FBXL18: variants seen among roughly 807,000 people sequenced by gnomAD.
FBXL18 encodes F-box and leucine rich repeat protein 18.
Under a neutral mutation model 46.0 loss-of-function variants are expected in FBXL18, and 36 were observed. The ratio of observed to expected loss-of-function variants is 0.78; its 90% CI spans 0.60 to 1.03. FBXL18 has a LOEUF of 1.03. Among genes scored for constraint, FBXL18 ranks in the 50% least tolerant of loss-of-function variants. FBXL18 has a pLI of 0.00. For missense variants in FBXL18, 977 were observed against 1,004.1 expected, an observed-to-expected ratio of 0.97 and a Z score of 0.36; for synonymous variants, 557 against 465.3, an observed-to-expected ratio of 1.20 and a Z score of -2.54.
At chr7:5,511,462 C>T (rs916970894) in intron 1 of FBXL18, among the ~76,000 whole-genome samples, 1 of 151,900 alleles carries the variant, frequency 6.6e-6, no homozygotes, top group African/African-American at 2.4e-5. Flanking sequence ...AATACAAATG[C>T]GGACGTAGTG....
intron 1 of FBXL18, among the ~76,000 whole-genome samples, chr7:5,513,111 G>A (rs1037042405): frequency 6.6e-6 from 1 of 152,204 alleles, no homozygotes; most frequent in African/African-American, 2.4e-5. Context: ...GACGCGGCGG[G>A]CTTCTCCATC....
chr7:5,491,270 AGGGACTCCCC>A lies in FBXL18; in HGVS notation c.1951_1960del (p.Gly651SerfsTer22). On this transcript the variant is annotated frameshift_variant, in exon 4 of 5. Coordinates refer to ENST00000382368, the MANE Select transcript of FBXL18 (RefSeq NM_024963.6). LOFTEE classifies it high-confidence loss of function. Reference sequence around the variant, plus strand: ...CTGCTGCAGGCTCTTGCAGGTGGCGAGGGACTCCCCGGTGAACAGGTGGCACATGACAACC... The same window carrying A: ...CTGCTGCAGGCTCTTGCAGGTGGCGAGGTGAACAGGTGGCACATGACAACC... 1 of 1,613,256 alleles carries A rather than the reference AGGGACTCCCC, an allele frequency of 6.2e-7. No homozygotes were observed. Among genetic ancestry groups the A allele is most frequent in the Non-Finnish European group, 8.5e-7 (1 of 1,179,850 alleles).
Position 5,480,949 on chromosome 7 carries a change from T to A in FBXL18, c.*826A>T, listed in dbSNP as rs1783629107. ...CTTAAGAATCCTTTCTGGGTTTTAA[T>A]GTTTCGCGTTATTCTAACAAAGCCG... On this transcript the variant is annotated 3_prime_UTR_variant, in exon 5 of 5. Coordinates refer to ENST00000382368, the MANE Select transcript of FBXL18 (RefSeq NM_024963.6). The A allele has an allele frequency of 1.3e-5, 2 of 151,902 alleles. No individual in the cohort carries two copies. Among genetic ancestry groups the A allele is most frequent in the Non-Finnish European group, 2.9e-5 (2 of 68,020 alleles). 9.4% of individuals were successfully genotyped at this position (151,902 alleles called of 1,614,324 possible). A position where few individuals can be genotyped will look rare whatever the true frequency, so the allele number is the denominator to read the frequency against.
intron 4 of FBXL18, among the ~76,000 whole-genome samples, chr7:5,462,161 G>A (rs970289752): frequency 3.3e-5 from 5 of 151,888 alleles, no homozygotes; most frequent in Admixed American, 2.6e-4. Flanking sequence ...CCAGGAGGTG[G>A]AGGCTGCAGT....
intron 4 of FBXL18, among the ~76,000 whole-genome samples, chr7:5,463,728 A>ATTTTTTTTTTTTTTTTTTTT (rs552002078): frequency 5.5e-4 from 29 of 53,032 alleles, no homozygotes; most frequent in Non-Finnish European, 7.7e-4. Flanking sequence ...TTATTTATTT[A>ATTTTTTTTTTTTTTTTTTTT]TTTTTTTTTT....
Position 5,462,808 on chromosome 7 carries a change from A to G in FBXL18, c.2001-14965T>C, listed in dbSNP as rs1361793500. 6.0e-5 allele frequency among the ~76,000 whole-genome samples: 9 copies of G among 150,454 alleles called. No individual in the cohort carries two copies. In the South Asian group the frequency reaches 1.5e-3, roughly 25 times the overall value. ...CTACTAAAAATACAAAAAATTAGCC[A>G]GGTGTGGTGGCGGGCGCCTATAGTC... is the stretch of plus-strand genomic sequence containing the variant. On this transcript the variant is annotated intron_variant and NMD_transcript_variant, in intron 4 of 6. Transcript: ENST00000415009.
At chr7:5,492,799 G>A (rs1783965211) in intron 3 of FBXL18, among the ~76,000 whole-genome samples, 1 of 152,130 alleles carries the variant, frequency 6.6e-6, no homozygotes, top group East Asian at 1.9e-4. Context: ...AGTGCCAGGC[G>A]TGGCTGGCAG....
chr7:5,491,513 G>T, intron 3 of FBXL18, 64 bp from the exon 4 acceptor site: 1 of 1,382,424 alleles, frequency 7.2e-7, no homozygotes, highest in Non-Finnish European at 9.7e-7. Context: ...CCAGCTGGGC[G>T]TCTGGAGGTG....
At chr7:5,468,868 T>C (rs1783384985) in intron 4 of FBXL18, among the ~76,000 whole-genome samples, 1 of 152,200 alleles carries the variant, frequency 6.6e-6, no homozygotes, top group African/African-American at 2.4e-5. Context: ...CCCAAAGTAC[T>C]GGGATTACAG....
chr7:5,486,946 G>A (rs115060030), intron 4 of FBXL18, among the ~76,000 whole-genome samples: 5,571 of 152,360 alleles, frequency 0.037, 348 homozygotes, highest in African/African-American at 0.13. Context: ...GAAAAAAGAC[G>A]AGAAAGAGAA....
chr7:5,481,903 C>T lies in FBXL18; in HGVS notation c.2029G>A (p.Val677Ile), dbSNP rs200798951. Residue 677 changes from valine (V) to isoleucine (I), a missense_variant, in exon 5 of 5, where the codon GTC becomes ATC. By Grantham distance (29) the Val-to-Ile change is conservative (BLOSUM62 3). Coordinates refer to ENST00000382368, the MANE Select transcript of FBXL18 (RefSeq NM_024963.6). ...SFQAERPALN[V>I]VIFPLLHEGL... ...TCGTGGAGCAGAGGGAAGATGACGACGTTTAACGCGGGCCGCTCGGCCTGG... is the reference window on the plus strand; with the variant it reads ...TCGTGGAGCAGAGGGAAGATGACGATGTTTAACGCGGGCCGCTCGGCCTGG... 1.4e-4 allele frequency: 219 copies of T among 1,611,218 alleles called. 2 individuals are homozygous for T. Among genetic ancestry groups the T allele is most frequent in the South Asian group, 2.2e-5 (2 of 90,900 alleles).
chr7:5,471,425 C>T (rs528548776), downstream of FBXL18, among the ~76,000 whole-genome samples: 418 of 152,254 alleles, frequency 2.7e-3, 2 homozygotes, highest in African/African-American at 9.7e-3. Context: ...TACAGGCGCC[C>T]GCCACCACAC....
chr7:5,500,377 C>A lies in FBXL18; in HGVS notation c.1781+111G>T. 7 of 1,032,064 alleles carry A rather than the reference C, an allele frequency of 6.8e-6. No individual in the cohort carries two copies. In the Admixed American group the frequency reaches 1.5e-4, roughly 22 times the overall value. The allele number at this position is 1,032,064 out of a possible 1,614,324, so 63.9% of individuals were successfully genotyped here. On this transcript the variant is annotated intron_variant, in intron 3 of 4. Transcript: ENST00000382368. Reference sequence around the variant, plus strand: ...ACGTGGCACGCTGCGAGGCCCCGCCCCAGCCTCTGCACTCCTGGAGGGCAG... The same window carrying A: ...ACGTGGCACGCTGCGAGGCCCCGCCACAGCCTCTGCACTCCTGGAGGGCAG...
Position 5,505,485 on chromosome 7 carries a change from G to A in FBXL18, c.164C>T (p.Thr55Ile). The A allele has an allele frequency of 6.2e-7, 1 of 1,614,176 alleles. No homozygotes were observed. The highest frequency in any genetic ancestry group is 8.5e-7 in the Non-Finnish European group (1 of 1,180,032). ...GCACAGGGCTGCAAGCTTCCGACAG[G>A]TACGCCGGACGTTCAGAATCAGATC... The part of the protein sequence containing the change: ...STDLILNVRR[T>I]CRKLAALCLD... Residue 55 changes from threonine to isoleucine, a missense_variant, in exon 2 of 5, where the codon ACC becomes ATC. By Grantham distance (89) the Thr-to-Ile change is moderately conservative (BLOSUM62 -1). Coordinates refer to ENST00000382368, the MANE Select transcript of FBXL18 (RefSeq NM_024963.6).
chr7:5,481,582 T>C lies in FBXL18; in HGVS notation c.*193A>G. ...CTCATGTCACCCAGAACGCATCCCC[T>C]CGACCTAAACTTCACAGAGCAACAG... is the stretch of plus-strand genomic sequence containing the variant. On this transcript the variant is annotated 3_prime_UTR_variant, in exon 5 of 5. Coordinates refer to ENST00000382368, the MANE Select transcript of FBXL18 (RefSeq NM_024963.6). 8 of 558,952 alleles carry C rather than the reference T, an allele frequency of 1.4e-5. No homozygotes were observed. The highest frequency in any genetic ancestry group is 4.2e-5 in the South Asian group (2 of 47,728). 34.6% of individuals were successfully genotyped at this position (558,952 alleles called of 1,614,324 possible).
In FBXL18 at chr7:5,509,701, CAAAAA is replaced by C. The variant is rs761762119; in HGVS notation, c.18+3951_18+3955del. 7.7e-3 allele frequency among the ~76,000 whole-genome samples: 504 copies of C among 65,502 alleles called. 4 individuals are homozygous for C. Among genetic ancestry groups the C allele is most frequent in the African/African-American group, 0.024 (462 of 19,336 alleles). 43.0% of individuals were successfully genotyped at this position (65,502 alleles called of 152,430 possible). Reference sequence around the variant, plus strand: ...TGGGTGACAGAGTGAGATTCCATCTCAAAAAAAAAAAAAAAAAAGAGAAGTTTCAT... The same window carrying C: ...TGGGTGACAGAGTGAGATTCCATCTCAAAAAAAAAAAAAGAGAAGTTTCAT... On this transcript the variant is annotated intron_variant, in intron 1 of 4. Coordinates refer to ENST00000382368, the MANE Select transcript of FBXL18 (RefSeq NM_024963.6).
At chr7:5,508,380 T>G (rs555888541) in intron 1 of FBXL18, among the ~76,000 whole-genome samples, 1 of 150,954 alleles carries the variant, frequency 6.6e-6, no homozygotes, top group South Asian at 2.1e-4. Context: ...GAGGCAGAGG[T>G]TGCGGTAAGC....
At chr7:5,503,132 G>A (rs894553046) in intron 2 of FBXL18, among the ~76,000 whole-genome samples, 3 of 152,260 alleles carry the variant, frequency 2.0e-5, no homozygotes, top group Admixed American at 6.5e-5. Context: ...CTGTAATCCC[G>A]CACTTTGGAA....
In FBXL18 at chr7:5,481,897, TGAC is replaced by T; in HGVS notation, c.2032_2034del (p.Val678del). ...AGGCCCTCGTGGAGCAGAGGGAAGATGACGACGTTTAACGCGGGCCGCTCGGCC... is the reference window on the plus strand; with the variant it reads ...AGGCCCTCGTGGAGCAGAGGGAAGATGACGTTTAACGCGGGCCGCTCGGCC... On this transcript the variant is annotated inframe_deletion, in exon 5 of 5. Transcript: ENST00000382368. 4.3e-6 allele frequency: 7 copies of T among 1,612,634 alleles called. No individual in the cohort carries two copies. The highest frequency in any genetic ancestry group is 5.9e-6 in the Non-Finnish European group (7 of 1,179,414).
Sources: gnomAD v4.1 joint callset for allele counts (sites outside exome capture counted in the v4.1 genomes callset) on GRCh38, gnomAD v4.1.1 for gene constraint, MANE v1.5 for transcripts, NCBI Gene and HGNC (gene_info 2026-07-23, HGNC 2026-07-21) for gene names.